MECR: variants seen among roughly 807,000 people sequenced by gnomAD.
MECR encodes mitochondrial trans-2-enoyl-CoA reductase, also known as enoyl-[acyl-carrier-protein] reductase, mitochondrial.
In MECR, 37 loss-of-function variants were observed where a neutral mutation model predicts 49.1. The ratio of observed to expected loss-of-function variants is 0.75; its 90% CI spans 0.58 to 0.99. The LOEUF (loss-of-function observed/expected upper bound fraction) is 0.99, where lower values mean the gene tolerates loss of function less well. Ranked by LOEUF, MECR falls within the 50% of genes least tolerant of loss-of-function variation. MECR has a pLI of 0.00. For synonymous variants in MECR, 198 were observed against 191.1 expected (o/e 1.04, Z -0.30); for missense variants, 470 against 479.6 (o/e 0.98, Z 0.19).
Position 29,201,715 on chromosome 1 carries a change from T to C in MECR, c.756+228A>G, listed in dbSNP as rs1290703541. ...CCACAAACGTTTAAACTGCAAGTCA[T>C]ACTGGGTTTCCTAAACTCTGTTTCT... On this transcript the variant is annotated intron_variant, in intron 6 of 9. Transcript: ENST00000263702. The surrounding 1 kb of genome is among the most constrained non-coding windows in gnomAD (Gnocchi z 4.3). Among the ~76,000 whole-genome samples, 1 of 152,200 alleles carries C rather than the reference T, an allele frequency of 6.6e-6. No homozygotes were observed. Among genetic ancestry groups the C allele is most frequent in the Admixed American group, 6.5e-5 (1 of 15,280 alleles).
rs777638350 is a variant in MECR at position 29,216,021 on chromosome 1, T to C, written c.390A>G (p.Pro130=). 1.2e-6 allele frequency: 2 copies of C among 1,614,156 alleles called. No homozygotes were observed. ...TGLKPGDWVI[P]ANAGLGTWRT... ...GAAACTCACCTAAACCAGCATTTGC[T>C]GGAATCACCCAGTCTCCTGGCTTCA... Residue 130 remains proline (P), a synonymous_variant, in exon 3 of 10, where the codon CCA becomes CCG. Transcript: ENST00000263702.
chr1:29,198,827 G>T (rs2151851507), intron 7 of MECR, among the ~76,000 whole-genome samples: 1 of 152,328 alleles, frequency 6.6e-6, no homozygotes, highest in South Asian at 2.1e-4. Context: ...ATGTTGGCCA[G>T]GATGGTCTCG....
intron 9 of MECR, 119 bp downstream of exon 9, chr1:29,195,822 C>A: frequency 1.0e-6 from 1 of 984,626 alleles, no homozygotes; most frequent in Non-Finnish European, 1.6e-6. Context: ...TCTCTTTGAT[C>A]CTTCTGTGGG....
At chr1:29,168,012 C>CTTT in the MECR span, among the ~76,000 whole-genome samples, 8,929 of 133,034 alleles carry the variant, frequency 0.067, 364 homozygotes, top group African/African-American at 0.095. Context: ...GTTCTAATTC[C>CTTT]TTTTTTTTTT....
rs1025000610 is a variant in MECR at position 29,225,646 on chromosome 1, T to TA, written c.176+5084_176+5085insT. 4.6e-5 allele frequency among the ~76,000 whole-genome samples: 7 copies of TA among 152,228 alleles called. No homozygotes were observed. In the East Asian group the frequency reaches 9.7e-4, roughly 21 times the overall value. ...AACTTACTATATCAATGCCTTCTGT[T>TA]CCCACTCCATTCATGACCACAATAA... On this transcript the variant is annotated intron_variant, in intron 1 of 9. Coordinates refer to ENST00000263702, the MANE Select transcript of MECR (RefSeq NM_016011.5).
chr1:29,181,889 ACGCGAGCACGCAG>A, the MECR span: 1 of 576,252 alleles, frequency 1.7e-6, no homozygotes, highest in African/African-American at 2.0e-5. Flanking sequence ...CCGGCGACGT[ACGCGAGCACGCAG>A]CTCGCGAGCG....
At position 29,230,917 on chromosome 1, in the gene MECR, A is replaced by C; in HGVS notation, c.-11T>G. 6.3e-7 allele frequency: 1 copy of C among 1,588,422 alleles called. No homozygotes were observed. Among genetic ancestry groups the C allele is most frequent in the South Asian group, 1.1e-5 (1 of 88,798 alleles). On this transcript the variant is annotated 5_prime_UTR_variant, in exon 1 of 10. Coordinates refer to ENST00000263702, the MANE Select transcript of MECR (RefSeq NM_016011.5). ...ACTGCAGACCCACATGCTCGCTCCA[A>C]CCAACACAGAGCCTGACGCCCCGGC...
rs759737314 is a variant in MECR at position 29,195,982 on chromosome 1, C to T, written c.923G>A (p.Arg308Gln). ...SLLIFKDLKL[R>Q]GFWLSQWKKD... Reference sequence around the variant, plus strand: ...CTTCCACTGGGACAACCAAAAGCCTCGAAGTTTGAGATCCTTAAAAATGAG... The same window carrying T: ...CTTCCACTGGGACAACCAAAAGCCTTGAAGTTTGAGATCCTTAAAAATGAG... Residue 308 changes from arginine to glutamine, a missense_variant, in exon 9 of 10, where the codon CGA becomes CAA. Arg to Gln is a conservative substitution (Grantham distance 43). Transcript: ENST00000263702. 5.6e-6 allele frequency: 9 copies of T among 1,614,084 alleles called. No individual in the cohort carries two copies. The highest frequency in any genetic ancestry group is 7.6e-6 in the Non-Finnish European group (9 of 1,180,042).
intron 3 of MECR, among the ~76,000 whole-genome samples, chr1:29,215,638 A>C (rs1043038059): frequency 6.6e-6 from 1 of 151,652 alleles, no homozygotes; most frequent in African/African-American, 2.4e-5. Context: ...TGGGAGGCCG[A>C]GGCAGGCGGA....
chr1:29,177,122 A>T, the MECR span, among the ~76,000 whole-genome samples: 1 of 152,342 alleles, frequency 6.6e-6, no homozygotes, highest in South Asian at 2.1e-4. Context: ...TTCACACTTT[A>T]CATGAAATGG....
In MECR at chr1:29,206,691, T is replaced by G. The variant is rs111389532; in HGVS notation, c.550+71A>C. On this transcript the variant is annotated intron_variant, in intron 4 of 9. Transcript: ENST00000263702. The stretch of plus-strand genomic sequence containing the variant: ...CTCCACCTTGCAAGTTCTCCTGGCC[T>G]TGGGGTCAGGATGTGAGTGGCACCC... The G allele has an allele frequency of 9.1e-5, 142 of 1,557,226 alleles. 1 individual carries two copies. The African/African-American group carries it at 1.6e-3, about 17-fold the overall frequency.
intron 1 of MECR, among the ~76,000 whole-genome samples, chr1:29,221,418 A>G (rs1258518102): frequency 6.6e-6 from 1 of 152,226 alleles, no homozygotes; most frequent in African/African-American, 2.4e-5. Flanking sequence ...AGGCATTTAC[A>G]GGGCGGATGG....
At position 29,206,754 on chromosome 1, in the gene MECR, G is replaced by T. The variant is rs1323038830; in HGVS notation, c.550+8C>A. Reference sequence around the variant, plus strand: ...CCTGGCCTGCTCCCCCAACCTGTGGGTTCCTACCTGGCTGCAGTTGCTCGA... The same window carrying T: ...CCTGGCCTGCTCCCCCAACCTGTGGTTTCCTACCTGGCTGCAGTTGCTCGA... On this transcript the variant is annotated splice_region_variant and intron_variant, in intron 4 of 9. Coordinates refer to ENST00000263702, the MANE Select transcript of MECR (RefSeq NM_016011.5). 6.2e-7 allele frequency: 1 copy of T among 1,613,824 alleles called. No homozygotes were observed. Among genetic ancestry groups the T allele is most frequent in the East Asian group, 2.2e-5 (1 of 44,884 alleles).
At chr1:29,181,281 G>A in the MECR span, among the ~76,000 whole-genome samples, 1 of 152,226 alleles carries the variant, frequency 6.6e-6, no homozygotes, top group Non-Finnish European at 1.5e-5. Flanking sequence ...AGCGGGAAAG[G>A]TTGGTGTCTA....
At chr1:29,167,843 A>G in the MECR span, among the ~76,000 whole-genome samples, 1 of 152,140 alleles carries the variant, frequency 6.6e-6, no homozygotes, top group Non-Finnish European at 1.5e-5. Context: ...ATCCATTTGT[A>G]TATCAAATGT....
chr1:29,224,552 GT>G (rs1442448325), intron 1 of MECR: 1 of 152,266 alleles, frequency 6.6e-6, no homozygotes, highest in Non-Finnish European at 1.5e-5. Context: ...TGAGAAGGAT[GT>G]TGAGGGCCCG....
At chr1:29,230,309 C>T (rs1175377115) in intron 1 of MECR, 2 of 182,030 alleles carry the variant, frequency 1.1e-5, no homozygotes, top group African/African-American at 2.4e-5. Flanking sequence ...TAAGAACTCA[C>T]GCAGGTCAGT....
intron 9 of MECR, 89 bp downstream of exon 9, chr1:29,195,852 C>T: frequency 2.2e-6 from 3 of 1,364,900 alleles, no homozygotes; most frequent in South Asian, 1.2e-5. Context: ...CCAATCACCC[C>T]TCCAGGGCTC....
At chr1:29,206,160 G>A (rs903776655) in intron 4 of MECR, among the ~76,000 whole-genome samples, 12 of 152,180 alleles carry the variant, frequency 7.9e-5, no homozygotes, top group African/African-American at 2.4e-4. Flanking sequence ...CACCCTCCAC[G>A]TTCTTTATTC....
Sources: gnomAD v4.1 joint callset for allele counts (sites outside exome capture counted in the v4.1 genomes callset) on GRCh38, gnomAD v4.1.1 for gene constraint, Gnocchi (gnomAD v3.1) non-coding constraint, MANE v1.5 for transcripts, NCBI Gene and HGNC (gene_info 2026-07-23, HGNC 2026-07-21) for gene names.